NBAS: variants seen among roughly 807,000 people sequenced by gnomAD.
NBAS encodes the protein NAG/BC035112 fusion.
NBAS carries 219 observed loss-of-function variants against 302.5 expected under a neutral mutation model. The observed-to-expected ratio is 0.72, with a 90% CI of 0.65 to 0.81. The LOEUF (loss-of-function observed/expected upper bound fraction) is 0.81, where lower values mean the gene tolerates loss of function less well. Among genes scored for constraint, NBAS ranks in the 30% least tolerant of loss-of-function variants. The probability of loss-of-function intolerance (pLI) is 0.00; values close to 1 mark genes in which losing one functional copy is unlikely to be tolerated. For missense variants in NBAS, 2,932 were observed against 2,841.6 expected (o/e 1.03, Z -0.72); for synonymous variants, 1,118 against 1,021.6 (o/e 1.09, Z -1.80).
intron 48 of NBAS, among the ~76,000 whole-genome samples, chr2:15,203,878 G>GTGTGTGCT (rs1666003981): frequency 7.6e-6 from 1 of 132,250 alleles, no homozygotes; most frequent in East Asian, 2.3e-4. Flanking sequence ...GTCTGTGTGT[G>GTGTGTGCT]TGTGTGTGTG....
chr2:14,883,867 A>G, the NBAS span, among the ~76,000 whole-genome samples: 1 of 152,122 alleles, frequency 6.6e-6, no homozygotes, highest in African/African-American at 2.4e-5. Flanking sequence ...AGGCTGATGT[A>G]GGAGGATCAC....
chr2:15,377,057 T>C (rs922004559), intron 30 of NBAS, among the ~76,000 whole-genome samples: 13 of 152,148 alleles, frequency 8.5e-5, no homozygotes, highest in African/African-American at 1.2e-4. Flanking sequence ...AAGACAGAAA[T>C]TGTAAAAGAA....
At chr2:15,482,865 A>G (rs2148601563) in intron 12 of NBAS, among the ~76,000 whole-genome samples, 1 of 152,272 alleles carries the variant, frequency 6.6e-6, no homozygotes, top group African/African-American at 2.4e-5. Context: ...GTCTTTTGTT[A>G]TAGGACTGTC....
At chr2:15,440,936 C>T (rs372909131) in intron 21 of NBAS, among the ~76,000 whole-genome samples, 17 of 151,620 alleles carry the variant, frequency 1.1e-4, no homozygotes, top group Admixed American at 3.9e-4. Flanking sequence ...TGAAATGAAG[C>T]GAGAAGGGAA....
At chr2:14,816,465 C>T in the NBAS span, among the ~76,000 whole-genome samples, 1 of 152,196 alleles carries the variant, frequency 6.6e-6, no homozygotes, top group African/African-American at 2.4e-5. Flanking sequence ...AAACCCGTCC[C>T]TGGTGCCAAA....
At chr2:15,235,017 C>T (rs564922545) in intron 45 of NBAS, among the ~76,000 whole-genome samples, 4 of 152,072 alleles carry the variant, frequency 2.6e-5, no homozygotes, top group Non-Finnish European at 5.9e-5. Flanking sequence ...AAAATAGGGT[C>T]GTGTGAATAG....
At chr2:14,960,029 CT>C in the NBAS span, among the ~76,000 whole-genome samples, 11 of 152,156 alleles carry the variant, frequency 7.2e-5, no homozygotes, top group African/African-American at 2.7e-4. Context: ...AATGACGTTT[CT>C]TTTACCTTAT....
intron 35 of NBAS, among the ~76,000 whole-genome samples, chr2:15,340,586 C>A (rs1375175411): frequency 6.6e-6 from 1 of 152,046 alleles, no homozygotes; most frequent in African/African-American, 2.4e-5. Flanking sequence ...GAGGTCAGGG[C>A]TAGAGCTATT....
chr2:15,170,768 A>T (rs982337928), intron 51 of NBAS, among the ~76,000 whole-genome samples: 3 of 152,232 alleles, frequency 2.0e-5, no homozygotes, highest in Non-Finnish European at 4.4e-5. Context: ...AGAAAGAAAG[A>T]GATGGCCTTT....
intron 44 of NBAS, among the ~76,000 whole-genome samples, chr2:15,241,029 A>G (rs1667845798): frequency 6.6e-6 from 1 of 152,110 alleles, no homozygotes; most frequent in South Asian, 2.1e-4. Flanking sequence ...TGGAATCCAG[A>G]ACACTTGGTT....
chr2:15,107,102 A>G, the NBAS span, among the ~76,000 whole-genome samples: 1 of 152,138 alleles, frequency 6.6e-6, no homozygotes, highest in African/African-American at 2.4e-5. Context: ...GGACTGAATT[A>G]TATACCCCAG....
At chr2:15,101,312 A>C in the NBAS span, among the ~76,000 whole-genome samples, 1 of 152,214 alleles carries the variant, frequency 6.6e-6, no homozygotes, top group East Asian at 1.9e-4. Context: ...AAGTGAGAGC[A>C]AAGAAAGATT....
chr2:15,157,184 G>A, the NBAS span, among the ~76,000 whole-genome samples: 2 of 152,100 alleles, frequency 1.3e-5, no homozygotes, highest in Non-Finnish European at 1.5e-5. Flanking sequence ...GTCTGATGGC[G>A]AGGTTGCATC....
chr2:15,404,259 A>C (rs538622159), intron 25 of NBAS, among the ~76,000 whole-genome samples: 1 of 152,310 alleles, frequency 6.6e-6, no homozygotes, highest in South Asian at 2.1e-4. Flanking sequence ...TCCAGAGCCT[A>C]AACTAAGCAA....
chr2:14,991,893 A>T, the NBAS span, among the ~76,000 whole-genome samples: 1 of 152,346 alleles, frequency 6.6e-6, no homozygotes, highest in Admixed American at 6.5e-5. Context: ...GTGGGAAATT[A>T]ATCCCAGCCT....
intron 11 of NBAS, among the ~76,000 whole-genome samples, chr2:15,503,281 A>C (rs367753828): frequency 1.1e-3 from 161 of 152,322 alleles, no homozygotes; most frequent in African/African-American, 3.8e-3. Flanking sequence ...AATGATAAAA[A>C]GTACAGTACA....
intron 5 of NBAS, 139 bp downstream of exon 5, chr2:15,553,287 T>A: frequency 1.3e-6 from 1 of 752,926 alleles, no homozygotes; most frequent in Admixed American, 2.3e-5. Flanking sequence ...CGTAAGTTGG[T>A]GTTTGACACT....
the NBAS span, among the ~76,000 whole-genome samples, chr2:14,903,324 T>C: frequency 1.7e-5 from 2 of 119,992 alleles, no homozygotes; most frequent in Non-Finnish European, 3.8e-5. Context: ...GAAATAAGCT[T>C]TGCAAAAAAA....
At chr2:14,882,279 T>C in the NBAS span, among the ~76,000 whole-genome samples, 1 of 152,178 alleles carries the variant, frequency 6.6e-6, no homozygotes, top group African/African-American at 2.4e-5. Flanking sequence ...CATTTTGTCC[T>C]TCTAGACTAA....
Sources: gnomAD v4.1 joint callset for allele counts (sites outside exome capture counted in the v4.1 genomes callset) on GRCh38, gnomAD v4.1.1 for gene constraint, MANE v1.5 for transcripts, NCBI Gene and HGNC (gene_info 2026-07-23, HGNC 2026-07-21) for gene names.